Variants in ARID1B observed in about 807,000 individuals in gnomAD.
ARID1B encodes the protein AT-rich interaction domain 1B.
In ARID1B, 30 loss-of-function variants were observed where a neutral mutation model predicts 212.3. The observed-to-expected ratio is 0.14, with a 90% CI of 0.11 to 0.19. ARID1B has a LOEUF of 0.19. Among genes scored for constraint, ARID1B ranks in the 10% least tolerant of loss-of-function variants. The pLI, the probability that ARID1B is intolerant of heterozygous loss-of-function variation, is 1.00. For missense variants in ARID1B, 2,891 were observed against 3,204.0 expected (o/e 0.90, Z 2.36); for synonymous variants, 1,402 against 1,301.7 (o/e 1.08, Z -1.66).
chr6:157,002,624 A>G (rs1778973192), intron 4 of ARID1B, among the ~76,000 whole-genome samples: 1 of 152,262 alleles, frequency 6.6e-6, no homozygotes, highest in African/African-American at 2.4e-5. Flanking sequence ...AAACATTAAA[A>G]TAATTTCTTA....
Position 157,110,520 on chromosome 6 carries a change from C to T in ARID1B, c.2540C>T (p.Ser847Phe), listed in dbSNP as rs762229592. 1 of 1,614,158 alleles carries T rather than the reference C, an allele frequency of 6.2e-7. No individual in the cohort carries two copies. The highest frequency in any genetic ancestry group is 8.5e-7 in the Non-Finnish European group (1 of 1,180,024). Reference protein sequence around the residue: ...QPPGSQSESSSHPALSQSPMP... With the variant: ...QPPGSQSESSFHPALSQSPMP... ...CCCGGGAGCCAGTCAGAATCCAGTT[C>T]CCATCCCGCCTTGAGCCAGTCACCA... is the stretch of plus-strand genomic sequence containing the variant. Residue 847 changes from serine to phenylalanine, a missense_variant, in exon 6 of 20, where the codon TCC becomes TTC. Physicochemically the swap from Ser to Phe is radical, Grantham distance 155 (BLOSUM62 -2). Coordinates refer to ENST00000636930, the MANE Select transcript of ARID1B (RefSeq NM_001374828.1).
chr6:157,170,107 G>A (rs1791609873), intron 9 of ARID1B: 1 of 152,190 alleles, frequency 6.6e-6, no homozygotes, highest in Non-Finnish European at 1.5e-5. Flanking sequence ...CAGAATTCTT[G>A]AGGTGGGTCC....
Position 157,190,362 on chromosome 6 carries a change from T to C in ARID1B, c.4231+152T>C. 1 of 1,021,380 alleles carries C rather than the reference T, an allele frequency of 9.8e-7. No individual in the cohort carries two copies. Among genetic ancestry groups the C allele is most frequent in the Non-Finnish European group, 1.4e-6 (1 of 727,192 alleles). The allele number at this position is 1,021,380 out of a possible 1,614,324, so 63.3% of individuals were successfully genotyped here. On this transcript the variant is annotated intron_variant, in intron 15 of 19. Coordinates refer to ENST00000636930, the MANE Select transcript of ARID1B (RefSeq NM_001374828.1). The surrounding 1 kb of genome is among the most constrained non-coding windows in gnomAD (Gnocchi z 4.6). Reference sequence around the variant, plus strand: ...CCCCATCCTACTCCACTTGTGGCCTTGGGAAAAGCAGTTAGCCTCTTTGTG... The same window carrying C: ...CCCCATCCTACTCCACTTGTGGCCTCGGGAAAAGCAGTTAGCCTCTTTGTG...
intron 4 of ARID1B, among the ~76,000 whole-genome samples, chr6:156,980,606 C>T (rs754185651): frequency 2.0e-5 from 3 of 152,288 alleles, no homozygotes; most frequent in South Asian, 2.1e-4. Flanking sequence ...AGGAGGAGTC[C>T]GGTTTAGTGG....
At chr6:157,110,924 G>C (rs924429675) in intron 6 of ARID1B, 1 of 245,588 alleles carries the variant, frequency 4.1e-6, no homozygotes, top group Non-Finnish European at 8.1e-6. Context: ...GGCGGTTGGC[G>C]GTGGGGGGTT....
rs537140161 is a variant in ARID1B at position 157,109,161 on chromosome 6, C to CA, written c.2492-1310dup. ...GTGTCCTGCCTGGCCACATGGGTAA[C>CA]AGACCCATCTTGTAGAACCACAAGA... On this transcript the variant is annotated intron_variant, in intron 5 of 19. Transcript: ENST00000636930. Among the ~76,000 whole-genome samples, 21 of 152,256 alleles carry CA rather than the reference C, an allele frequency of 1.4e-4. No individual in the cohort carries two copies. In the South Asian group the frequency reaches 4.4e-3, roughly 32 times the overall value.
intron 4 of ARID1B, chr6:156,976,700 C>T (rs73578016): frequency 7.5e-6 from 3 of 401,392 alleles, no homozygotes; most frequent in Admixed American, 2.9e-5. Context: ...GCTGCTCACT[C>T]TCCTGGTCCG....
intron 3 of ARID1B, among the ~76,000 whole-genome samples, chr6:156,921,142 G>T (rs1391591011): frequency 6.6e-6 from 1 of 152,024 alleles, no homozygotes; most frequent in Non-Finnish European, 1.5e-5. Context: ...AGCAGTGGGG[G>T]ATTAACTTCA....
At chr6:156,913,120 G>C (rs1040287481) in intron 3 of ARID1B, among the ~76,000 whole-genome samples, 1 of 149,474 alleles carries the variant, frequency 6.7e-6, no homozygotes. Flanking sequence ...CTACATTGTA[G>C]AGTGAGTACA....
intron 4 of ARID1B, among the ~76,000 whole-genome samples, chr6:156,963,993 G>A (rs2128329168): frequency 6.6e-6 from 1 of 152,300 alleles, no homozygotes; most frequent in East Asian, 1.9e-4. Context: ...CGCACTTGAA[G>A]GAGAAATTCT....
chr6:156,819,021 G>A (rs1346079850), intron 1 of ARID1B, among the ~76,000 whole-genome samples: 3 of 152,054 alleles, frequency 2.0e-5, no homozygotes, highest in African/African-American at 4.8e-5. Context: ...AATGATAGTG[G>A]TAGTGTTCTT....
intron 4 of ARID1B, among the ~76,000 whole-genome samples, chr6:157,003,054 G>A (rs1348303167): frequency 6.6e-6 from 1 of 152,166 alleles, no homozygotes; most frequent in Non-Finnish European, 1.5e-5. Flanking sequence ...TGGGAGGCCG[G>A]GAGGATGGTG....
intron 4 of ARID1B, among the ~76,000 whole-genome samples, chr6:156,990,175 T>G (rs1033749206): frequency 1.1e-4 from 6 of 54,434 alleles, no homozygotes; most frequent in African/African-American, 2.5e-4. Context: ...TTCCTTAACT[T>G]TTTTTTTTTT....
At position 157,004,905 on chromosome 6, in the gene ARID1B, T is replaced by TTTTTTTTTTTTTTTTTTTTTTTTG; in HGVS notation, c.2247+69352_2247+69353insGTTTTTTTTTTTTTTTTTTTTTTT. Among the ~76,000 whole-genome samples, 2 of 104,816 alleles carry TTTTTTTTTTTTTTTTTTTTTTTTG rather than the reference T, an allele frequency of 1.9e-5. 1 individual carries two copies. Among genetic ancestry groups the TTTTTTTTTTTTTTTTTTTTTTTTG allele is most frequent in the South Asian group, 6.3e-4 (2 of 3,174 alleles). The allele number at this position is 104,816 out of a possible 152,430, so 68.8% of individuals were successfully genotyped here. A position where few individuals can be genotyped will look rare whatever the true frequency, so the allele number is the denominator to read the frequency against. ...TTTTCTTCTTCTTTTTTCTTTTTTT[T>TTTTTTTTTTTTTTTTTTTTTTTTG]TTTTTTTTTTTTTTTTTTTTTTTTT... On this transcript the variant is annotated intron_variant, in intron 4 of 19. Coordinates refer to ENST00000636930, the MANE Select transcript of ARID1B (RefSeq NM_001374828.1).
chr6:156,888,438 G>T (rs1787685554), intron 2 of ARID1B, among the ~76,000 whole-genome samples: 2 of 151,604 alleles, frequency 1.3e-5, no homozygotes, highest in Admixed American at 1.3e-4. Context: ...GTTCTAACAT[G>T]TGTGTGAAGT....
chr6:157,126,251 G>T lies in ARID1B; in HGVS notation c.2582-6777G>T, dbSNP rs150634082. 2.3e-3 allele frequency among the ~76,000 whole-genome samples: 355 copies of T among 152,254 alleles called. 3 individuals carry two copies. Among genetic ancestry groups the T allele is most frequent in the African/African-American group, 8.1e-3 (337 of 41,542 alleles). ...GGATTTTTCTTATTTGACTCTCAGG[G>T]TGAATGATCTTGTAAGCCAGAGCAA... On this transcript the variant is annotated intron_variant, in intron 6 of 19. Coordinates refer to ENST00000636930, the MANE Select transcript of ARID1B (RefSeq NM_001374828.1).
At chr6:156,968,046 G>T (rs902854089) in intron 4 of ARID1B, among the ~76,000 whole-genome samples, 1 of 152,150 alleles carries the variant, frequency 6.6e-6, no homozygotes, top group Admixed American at 6.5e-5. Context: ...GACCTTTCCC[G>T]GTCCCTGTCT....
intron 2 of ARID1B, among the ~76,000 whole-genome samples, chr6:156,877,427 C>T (rs1157370830): frequency 6.6e-6 from 1 of 152,194 alleles, no homozygotes; most frequent in Non-Finnish European, 1.5e-5. Flanking sequence ...TCCTTCCCCT[C>T]TCCTGTTTCC....
At chr6:156,786,899 A>AC (rs999278171) in intron 1 of ARID1B, among the ~76,000 whole-genome samples, 1 of 151,290 alleles carries the variant, frequency 6.6e-6, no homozygotes, top group Non-Finnish European at 1.5e-5. Context: ...GCTCATTTAA[A>AC]CAAATTGCAG....
Sources: gnomAD v4.1 joint callset for allele counts (sites outside exome capture counted in the v4.1 genomes callset) on GRCh38, gnomAD v4.1.1 for gene constraint, Gnocchi (gnomAD v3.1) non-coding constraint, MANE v1.5 for transcripts, NCBI Gene and HGNC (gene_info 2026-07-23, HGNC 2026-07-21) for gene names.